The following MAP3K11 variants were observed in gnomAD, a reference collection of about 807,000 sequenced individuals.
MAP3K11 encodes the protein SH3 domain-containing proline-rich kinase.
In MAP3K11, 46 loss-of-function variants were observed where a neutral mutation model predicts 84.9. The ratio of observed to expected loss-of-function variants is 0.54; its 90% CI spans 0.43 to 0.69. The LOEUF is 0.69. MAP3K11 is among the 30% of genes least tolerant of loss of function. The pLI is 0.00. For missense variants in MAP3K11, 1,053 were observed against 1,198.3 expected (o/e 0.88, Z 1.79); for synonymous variants, 527 against 514.7 (o/e 1.02, Z -0.32).
chr11:65,602,003 A>G (rs963830764), intron 8 of MAP3K11, among the ~76,000 whole-genome samples: 6 of 149,720 alleles, frequency 4.0e-5, no homozygotes, highest in Non-Finnish European at 8.9e-5. Flanking sequence ...AGAAATCGAG[A>G]CCATCCTGGC....
At position 65,613,542 on chromosome 11, in the gene MAP3K11, G is replaced by T; in HGVS notation, c.215C>A (p.Ser72Tyr). ...GTCTCCTGAGATGGCTGCGTCCCGG[G>T]ACAGCACCTCCACACGGTCACCCTT... ...LRKGDRVEVL[S>Y]RDAAISGDEG... is the part of the protein sequence containing the mutation. Residue 72 changes from serine to tyrosine, a missense_variant, in exon 1 of 10, where the codon TCC becomes TAC. Physicochemically the swap from Ser to Tyr is moderately radical, Grantham distance 144. Coordinates refer to ENST00000309100, the MANE Select transcript of MAP3K11 (RefSeq NM_002419.4). 6.2e-7 allele frequency: 1 copy of T among 1,611,276 alleles called. No homozygotes were observed.
chr11:65,609,252 AAAG>A (rs1274555250), intron 1 of MAP3K11: 1 of 152,200 alleles, frequency 6.6e-6, no homozygotes, highest in African/African-American at 2.4e-5. Flanking sequence ...CTTGGTGAGA[AAAG>A]AAGCCCAGCA....
chr11:65,606,151 G>T, intron 6 of MAP3K11, 70 bp from the exon 7 acceptor site: 1 of 1,458,740 alleles, frequency 6.9e-7, no homozygotes. Flanking sequence ...AGGCTTCAGA[G>T]ATAAACTTTA....
At chr11:65,612,754 T>C in intron 1 of MAP3K11, 1 of 373,754 alleles carries the variant, frequency 2.7e-6, no homozygotes, top group Admixed American at 4.3e-5. Flanking sequence ...ATGGCCCACC[T>C]GAGAGATACC....
intron 8 of MAP3K11, among the ~76,000 whole-genome samples, chr11:65,600,370 G>C (rs986020560): frequency 1.3e-5 from 2 of 152,222 alleles, no homozygotes; most frequent in African/African-American, 4.8e-5. Context: ...GTATGTATTT[G>C]TGCCAGGCCT....
Position 65,613,207 on chromosome 11 carries a change from G to C in MAP3K11, c.550C>G (p.Leu184Val). Reference sequence around the variant, plus strand: ...ACCAGGCACAGGTTGGGCTCCTCCAGGCACACAGCCTTGAGGGCAATGATG... The same window carrying C: ...ACCAGGCACAGGTTGGGCTCCTCCACGCACACAGCCTTGAGGGCAATGATG... ...PNIIALKAVC[L>V]EEPNLCLVME... The change falls in exon 1 of 10, where the codon CTG becomes GTG. Residue 184 changes from leucine to valine, a missense_variant. Physicochemically the swap from Leu to Val is conservative, Grantham distance 32. Coordinates refer to ENST00000309100, the MANE Select transcript of MAP3K11 (RefSeq NM_002419.4). 2 of 1,590,490 alleles carry C rather than the reference G, an allele frequency of 1.3e-6. No homozygotes were observed. The highest frequency in any genetic ancestry group is 1.7e-6 in the Non-Finnish European group (2 of 1,165,990).
intron 9 of MAP3K11, among the ~76,000 whole-genome samples, chr11:65,598,965 C>T (rs1050874768): frequency 3.3e-5 from 5 of 152,148 alleles, no homozygotes; most frequent in Admixed American, 6.5e-5. Context: ...GAGACCATCT[C>T]GGGAAAGCCT....
rs1403384788 is a variant in MAP3K11, at chr11:65,613,657, C to A, written c.100G>T (p.Gly34Trp). 1 of 1,612,712 alleles carries A rather than the reference C, an allele frequency of 6.2e-7. No individual in the cohort carries two copies. Among genetic ancestry groups the A allele is most frequent in the Non-Finnish European group, 8.5e-7 (1 of 1,179,970 alleles). Reference sequence around the variant, plus strand: ...GCATAACCCGCTGCCTTTGGAGACCCCTCAGGCCGGCCTCCTCCACCGCCC... The same window carrying A: ...GCATAACCCGCTGCCTTTGGAGACCACTCAGGCCGGCCTCCTCCACCGCCC... ...GGGGGGGRPE[G>W]SPKAAGYANP... The change falls in exon 1 of 10, where the codon GGG (glycine) becomes TGG (tryptophan). Residue 34 changes from glycine to tryptophan, a missense_variant. Physicochemically the swap from Gly to Trp is radical, Grantham distance 184. Coordinates refer to ENST00000309100, the MANE Select transcript of MAP3K11 (RefSeq NM_002419.4).
intron 1 of MAP3K11, chr11:65,610,597 G>A (rs1854561533): frequency 6.6e-6 from 1 of 152,284 alleles, no homozygotes; most frequent in South Asian, 2.1e-4. Context: ...AACACAGCAG[G>A]CTGGGGCAGT....
chr11:65,611,224 C>G (rs1317111075), intron 1 of MAP3K11: 2 of 152,452 alleles, frequency 1.3e-5, no homozygotes, highest in East Asian at 3.9e-4. Flanking sequence ...GAGGGGGAGT[C>G]CTTTTGGGGA....
In MAP3K11 at chr11:65,607,035, C is replaced by T. The variant is rs559076384; in HGVS notation, c.1490-231G>A. The T allele has an allele frequency of 6.0e-6, 4 of 669,558 alleles. No individual in the cohort carries two copies. The South Asian group carries it at 8.8e-5, about 15-fold the overall frequency. The allele number at this position is 669,558 out of a possible 1,614,324, so 41.5% of individuals were successfully genotyped here. ...GGCCGGCCCCGCCCACTAGACCTTC[C>T]CAGAACTTTCGTGAACCCCACCCCT... On this transcript the variant is annotated intron_variant, in intron 5 of 9. Coordinates refer to ENST00000309100, the MANE Select transcript of MAP3K11 (RefSeq NM_002419.4).
intron 8 of MAP3K11, among the ~76,000 whole-genome samples, chr11:65,605,391 G>C (rs1854495838): frequency 6.6e-6 from 1 of 152,178 alleles, no homozygotes; most frequent in Non-Finnish European, 1.5e-5. Context: ...CCCCCATCTG[G>C]GTCCAGCTTC....
At chr11:65,607,215 T>A in intron 5 of MAP3K11, 55 bp downstream of exon 5, 1 of 1,430,454 alleles carries the variant, frequency 7.0e-7, no homozygotes, top group Non-Finnish European at 9.1e-7. Flanking sequence ...CAGGCCTGGC[T>A]CCACCCCCAC....
intron 8 of MAP3K11, among the ~76,000 whole-genome samples, chr11:65,600,502 C>A (rs1854444150): frequency 6.6e-6 from 1 of 152,154 alleles, no homozygotes; most frequent in Non-Finnish European, 1.5e-5. Context: ...CGGCCTCACC[C>A]CAGGCAAGGG....
chr11:65,605,727 A>G (rs756724539), intron 8 of MAP3K11, 34 bp downstream of exon 8: 2 of 1,540,652 alleles, frequency 1.3e-6, no homozygotes, highest in East Asian at 2.3e-5. Context: ...GAAGGAGCTC[A>G]GCCAGATCCT....
intron 1 of MAP3K11, 26 bp downstream of exon 1, chr11:65,612,992 C>G (rs762651199): frequency 1.3e-6 from 2 of 1,516,430 alleles, no homozygotes; most frequent in Non-Finnish European, 8.8e-7. Context: ...GCCATGCCAC[C>G]CCCAACCATG....
chr11:65,606,244 C>A, intron 6 of MAP3K11, 163 bp from the exon 7 acceptor site: 1 of 715,362 alleles, frequency 1.4e-6, no homozygotes, highest in East Asian at 3.2e-5. Flanking sequence ...TTGGGGCCAA[C>A]AGTGGGGTGG....
chr11:65,598,264 G>A lies in MAP3K11; in HGVS notation c.*27C>T. The A allele has an allele frequency of 7.0e-7, 1 of 1,419,974 alleles. No homozygotes were observed. The highest frequency in any genetic ancestry group is 9.2e-7 in the Non-Finnish European group (1 of 1,084,040). The allele number at this position is 1,419,974 out of a possible 1,614,324, so 88.0% of individuals were successfully genotyped here. Reference sequence around the variant, plus strand: ...TGCTGTGACTCCTCCTAAGGCAGCTGGAGCTCGGGGGAGTGGCCTGGCCCA... The same window carrying A: ...TGCTGTGACTCCTCCTAAGGCAGCTAGAGCTCGGGGGAGTGGCCTGGCCCA... On this transcript the variant is annotated 3_prime_UTR_variant, in exon 10 of 10. Transcript: ENST00000309100.
Position 65,613,009 on chromosome 11 carries a change from G to A in MAP3K11, c.739+9C>T, listed in dbSNP as rs1302147872. The A allele has an allele frequency of 6.6e-7, 1 of 1,520,368 alleles. No individual in the cohort carries two copies. Among genetic ancestry groups the A allele is most frequent in the East Asian group, 2.3e-5 (1 of 43,680 alleles). The allele number at this position is 1,520,368 out of a possible 1,614,324, so 94.2% of individuals were successfully genotyped here. A position where few individuals can be genotyped will look rare whatever the true frequency, so the allele number is the denominator to read the frequency against. ...CATGCCACCCCCAACCATGCCCCCA[G>A]AAACTCACTGTTGTTGGACTTGAGA... On this transcript the variant is annotated intron_variant, in intron 1 of 9. Coordinates refer to ENST00000309100, the MANE Select transcript of MAP3K11 (RefSeq NM_002419.4).
Sources: gnomAD v4.1 joint callset for allele counts (sites outside exome capture counted in the v4.1 genomes callset) on GRCh38, gnomAD v4.1.1 for gene constraint, MANE v1.5 for transcripts, NCBI Gene and HGNC (gene_info 2026-07-23, HGNC 2026-07-21) for gene names.